The following NDUFB2 variants were observed in gnomAD, a reference collection of about 807,000 sequenced individuals.
NDUFB2 encodes the protein NADH:ubiquinone oxidoreductase subunit B2, also known as NADH dehydrogenase [ubiquinone] 1 beta subcomplex subunit 2, mitochondrial.
NDUFB2 carries 13 observed loss-of-function variants against 13.4 expected under a neutral mutation model. The ratio of observed to expected loss-of-function variants is 0.97; its 90% CI spans 0.63 to 1.54. NDUFB2 has a LOEUF of 1.54. Ranked by LOEUF, NDUFB2 falls within the 40% of genes most tolerant of loss-of-function variation. The pLI, the probability that NDUFB2 is intolerant of heterozygous loss-of-function variation, is 0.00. For missense variants in NDUFB2, 150 were observed against 139.7 expected (o/e 1.07, Z -0.37); for synonymous variants, 47 against 50.6 (o/e 0.93, Z 0.30).
At chr7:140,702,042 A>G in intron 1 of NDUFB2, 1 of 702,538 alleles carries the variant, frequency 1.4e-6, no homozygotes, top group East Asian at 2.7e-5. Context: ...ATTTTAATGC[A>G]CTTTTCCTAC....
At chr7:140,698,244 T>C in intron 1 of NDUFB2, 1 of 1,351,702 alleles carries the variant, frequency 7.4e-7, no homozygotes. Flanking sequence ...CATGAGGAGA[T>C]GGGGGAATGC....
intron 1 of NDUFB2, among the ~76,000 whole-genome samples, chr7:140,698,955 C>T (rs1237614233): frequency 6.6e-6 from 1 of 152,032 alleles, no homozygotes; most frequent in Non-Finnish European, 1.5e-5. Context: ...GTCAGGAGTT[C>T]GAGACCAGCC....
chr7:140,703,097 A>C (rs1279363092), intron 2 of NDUFB2, 87 bp downstream of exon 2: 1 of 1,528,518 alleles, frequency 6.5e-7, no homozygotes, highest in East Asian at 2.3e-5. Flanking sequence ...GTTGTAGACC[A>C]TTTTTCTGTC....
chr7:140,701,798 T>C lies in NDUFB2; in HGVS notation c.99-1068T>C, dbSNP rs9691914. On this transcript the variant is annotated intron_variant, in intron 1 of 3. Transcript: ENST00000247866. ...AAAAAAAACAAAAATTAGCTGGGCA[T>C]GGTGGCGTACACCTGTAGTCCCAGC... is the stretch of plus-strand genomic sequence containing the variant. 2,102 of 343,540 alleles carry C rather than the reference T, an allele frequency of 6.1e-3. 52 individuals carry two copies. The highest frequency in any genetic ancestry group is 0.041 in the African/African-American group (1,923 of 46,606). 21.3% of individuals were successfully genotyped at this position (343,540 alleles called of 1,614,324 possible).
intron 2 of NDUFB2, among the ~76,000 whole-genome samples, chr7:140,704,388 G>C (rs532786074): frequency 6.6e-6 from 1 of 152,140 alleles, no homozygotes; most frequent in Non-Finnish European, 1.5e-5. Context: ...TCAGCTGTCC[G>C]GAGTATGTAC....
rs1585860620 is a variant in NDUFB2, at chr7:140,696,721, A to G, written c.-24A>G. 6.4e-7 allele frequency: 1 copy of G among 1,563,272 alleles called. No homozygotes were observed. The highest frequency in any genetic ancestry group is 1.2e-5 in the South Asian group (1 of 85,482). On this transcript the variant is annotated 5_prime_UTR_variant, in exon 1 of 4. Transcript: ENST00000247866. Reference sequence around the variant, plus strand: ...GTAGGCAGGGGCGAGGCGGCTGGGGACCGCGGGGCGGACGGGAGCGAGTAT... The same window carrying G: ...GTAGGCAGGGGCGAGGCGGCTGGGGGCCGCGGGGCGGACGGGAGCGAGTAT...
chr7:140,705,189 T>C, intron 3 of NDUFB2: 1 of 283,760 alleles, frequency 3.5e-6, no homozygotes, highest in East Asian at 6.1e-5. Flanking sequence ...AACCTCTGCC[T>C]TCCAGGTTCA....
intron 1 of NDUFB2, chr7:140,697,508 GGGTGC>G: frequency 2.3e-6 from 1 of 444,360 alleles, no homozygotes. Flanking sequence ...GGAGGGCTGG[GGGTGC>G]GAGGTAGGGA....
chr7:140,702,656 C>T (rs1794912511), intron 1 of NDUFB2: 3 of 502,830 alleles, frequency 6.0e-6, no homozygotes, highest in Non-Finnish European at 6.8e-6. Context: ...CCAAAATTAG[C>T]CTCTTGTCAG....
chr7:140,700,099 T>C (rs1794874725), intron 1 of NDUFB2: 1 of 152,014 alleles, frequency 6.6e-6, no homozygotes, highest in South Asian at 2.1e-4. Context: ...GTTTGAACTA[T>C]AATGCTGGCA....
chr7:140,703,126 A>G, intron 2 of NDUFB2, 116 bp downstream of exon 2: 1 of 1,303,496 alleles, frequency 7.7e-7, no homozygotes. Flanking sequence ...GCCCTTTGCC[A>G]CCACTTTTTC....
In NDUFB2 at chr7:140,702,998, A is replaced by G. The variant is rs1329587196; in HGVS notation, c.231A>G (p.Ser77=). 1.2e-6 allele frequency: 2 copies of G among 1,614,056 alleles called. No homozygotes were observed. The highest frequency in any genetic ancestry group is 1.1e-5 in the South Asian group (1 of 91,082). ...FWILWRFWHD[S]EEVLGHFPYP... ...TTCTCTGGCGCTTTTGGCATGACTC[A>G]GAAGAGGTGCTGGTAAGTGCAGGAG... Residue 77 remains serine, a synonymous_variant, in exon 2 of 4, where the codon TCA becomes TCG. Coordinates refer to ENST00000247866, the MANE Select transcript of NDUFB2 (RefSeq NM_004546.3).
At chr7:140,698,885 C>T (rs1274690690) in intron 1 of NDUFB2, among the ~76,000 whole-genome samples, 1 of 151,966 alleles carries the variant, frequency 6.6e-6, no homozygotes, top group African/African-American at 2.4e-5. Context: ...TGTCCAGGCG[C>T]GGTGGCTCAC....
At chr7:140,697,346 C>G (rs868505543) in intron 1 of NDUFB2, 1 of 702,942 alleles carries the variant, frequency 1.4e-6, no homozygotes. Context: ...AAAAATCACT[C>G]TGGCTGCAGG....
intron 2 of NDUFB2, 62 bp downstream of exon 2, chr7:140,703,072 C>T (rs146998050): frequency 6.3e-7 from 1 of 1,586,194 alleles, no homozygotes; most frequent in South Asian, 1.1e-5. Flanking sequence ...GTATTAATAG[C>T]TTGTTTATTT....
At chr7:140,702,340 G>C (rs112044997) in intron 1 of NDUFB2, among the ~76,000 whole-genome samples, 2,853 of 152,170 alleles carry the variant, frequency 0.019, 57 homozygotes, top group Non-Finnish European at 0.028. Flanking sequence ...ATGAAAAGAA[G>C]AAAAAAGAAA....
chr7:140,699,177 TG>T (rs1794862995), intron 1 of NDUFB2, among the ~76,000 whole-genome samples: 1 of 152,080 alleles, frequency 6.6e-6, no homozygotes, highest in African/African-American at 2.4e-5. Flanking sequence ...AAAATAAAAA[TG>T]TAACTAATAG....
At position 140,702,203 on chromosome 7, in the gene NDUFB2, G is replaced by A. The variant is rs139043463; in HGVS notation, c.99-663G>A. On this transcript the variant is annotated intron_variant, in intron 1 of 3. Transcript: ENST00000247866. ...TAGCATATATATGGCTGATGAATAG[G>A]TTTTAGGAATAGCCCCAGTAGGTGC... 2.2e-3 allele frequency: 1,245 copies of A among 558,420 alleles called. 2 individuals carry two copies. Among genetic ancestry groups the A allele is most frequent in the South Asian group, 3.3e-3 (137 of 41,582 alleles). The allele number at this position is 558,420 out of a possible 1,614,324, so 34.6% of individuals were successfully genotyped here. A position where few individuals can be genotyped will look rare whatever the true frequency, so the allele number is the denominator to read the frequency against.
At chr7:140,697,254 C>T in intron 1 of NDUFB2, 4 of 697,120 alleles carry the variant, frequency 5.7e-6, no homozygotes, top group South Asian at 1.5e-5. Flanking sequence ...TCCAGGGTCC[C>T]GGTGCCTGGC....
Sources: gnomAD v4.1 joint callset for allele counts (sites outside exome capture counted in the v4.1 genomes callset) on GRCh38, gnomAD v4.1.1 for gene constraint, MANE v1.5 for transcripts, NCBI Gene and HGNC (gene_info 2026-07-23, HGNC 2026-07-21) for gene names.